Variants in PRKD1 observed in about 807,000 individuals in gnomAD.
PRKD1 encodes protein kinase D1, also known as serine/threonine-protein kinase D1.
Under a neutral mutation model 95.9 loss-of-function variants are expected in PRKD1, and 63 were observed. The observed-to-expected ratio is 0.66, with a 90% CI of 0.54 to 0.81. The LOEUF is 0.81. Ranked by LOEUF, PRKD1 falls within the 30% of genes least tolerant of loss-of-function variation. The pLI is 0.00. For missense variants in PRKD1, 1,048 were observed against 1,165.3 expected (o/e 0.90, Z 1.47); for synonymous variants, 425 against 423.1 (o/e 1.00, Z -0.05).
chr14:29,841,926 T>C (rs989247700), intron 1 of PRKD1, among the ~76,000 whole-genome samples: 5 of 151,996 alleles, frequency 3.3e-5, no homozygotes, highest in African/African-American at 1.2e-4. Flanking sequence ...ATTCTATAAA[T>C]TTTTTTCTAT....
rs1021009136 is a variant in PRKD1 at position 29,665,988 on chromosome 14, T to G, written c.535+89A>C. ...ACTCATTGGTTGATGGGCACTTAGC[T>G]TTTACGTATCTTTGCAATTGTGAAT... On this transcript the variant is annotated intron_variant, in intron 3 of 17. Transcript: ENST00000331968. 41 of 1,398,046 alleles carry G rather than the reference T, an allele frequency of 2.9e-5. No homozygotes were observed. The African/African-American group carries it at 4.3e-4, about 15-fold the overall frequency. 86.6% of individuals were successfully genotyped at this position (1,398,046 alleles called of 1,614,324 possible). A position where few individuals can be genotyped will look rare whatever the true frequency, so the allele number is the denominator to read the frequency against.
chr14:29,636,289 C>T lies in PRKD1; in HGVS notation c.1190+1G>A. 1 of 1,614,222 alleles carries T rather than the reference C, an allele frequency of 6.2e-7. No individual in the cohort carries two copies. ...GCTGAGGCTGGGAGTGCTGCTCTCA[C>T]CTGATGGTTCTGTTGGCGTCCTCGT... On this transcript the variant is annotated splice_donor_variant, in intron 7 of 17. Coordinates refer to ENST00000331968, the MANE Select transcript of PRKD1 (RefSeq NM_002742.3). LOFTEE classifies it high-confidence loss of function.
intron 2 of PRKD1, among the ~76,000 whole-genome samples, chr14:29,707,169 C>T (rs1037996208): frequency 2.0e-5 from 3 of 152,106 alleles, no homozygotes; most frequent in African/African-American, 7.2e-5. Context: ...GAGGATTTAG[C>T]CTTATGCTAT....
At chr14:29,769,402 C>G (rs1888404465) in intron 1 of PRKD1, among the ~76,000 whole-genome samples, 1 of 151,960 alleles carries the variant, frequency 6.6e-6, no homozygotes, top group Non-Finnish European at 1.5e-5. Context: ...GACCCCATCT[C>G]CACAAAAAAT....
chr14:29,778,322 C>A (rs1400831488), intron 1 of PRKD1, among the ~76,000 whole-genome samples: 2 of 151,810 alleles, frequency 1.3e-5, no homozygotes, highest in Admixed American at 1.3e-4. Flanking sequence ...CACAAAAAAC[C>A]CTTCAAAAAA....
chr14:29,872,656 T>TAAA (rs535984977), intron 1 of PRKD1, among the ~76,000 whole-genome samples: 3 of 118,940 alleles, frequency 2.5e-5, no homozygotes, highest in Non-Finnish European at 1.8e-5. Context: ...ACTTTGTCTC[T>TAAA]AAAAAAAAAA....
intron 16 of PRKD1, among the ~76,000 whole-genome samples, chr14:29,596,810 A>T (rs538318657): frequency 6.6e-6 from 1 of 152,282 alleles, no homozygotes; most frequent in African/African-American, 2.4e-5. Context: ...TGAATGAGTC[A>T]CTTTCTCTGC....
At chr14:29,849,598 G>C (rs1451018659) in intron 1 of PRKD1, among the ~76,000 whole-genome samples, 1 of 149,276 alleles carries the variant, frequency 6.7e-6, no homozygotes, top group African/African-American at 2.5e-5. Flanking sequence ...CTACCAATCA[G>C]AAAACGCCCT....
chr14:29,665,848 A>C lies in PRKD1; in HGVS notation c.535+229T>G, dbSNP rs1050055873. Among the ~76,000 whole-genome samples the C allele has an allele frequency of 3.3e-5, 5 of 152,186 alleles. No individual in the cohort carries two copies. The East Asian group carries it at 7.7e-4, about 23-fold the overall frequency. Reference sequence around the variant, plus strand: ...TATATAGATAGATCTATGTATGTATACACACAAAAAAACCTATATTTTCTC... The same window carrying C: ...TATATAGATAGATCTATGTATGTATCCACACAAAAAAACCTATATTTTCTC... On this transcript the variant is annotated intron_variant, in intron 3 of 17. Transcript: ENST00000331968.
At chr14:29,791,386 A>G (rs1255203095) in intron 1 of PRKD1, among the ~76,000 whole-genome samples, 2 of 152,166 alleles carry the variant, frequency 1.3e-5, no homozygotes, top group African/African-American at 2.4e-5. Context: ...TTGTCATATC[A>G]ATGTAACACT....
intron 1 of PRKD1, among the ~76,000 whole-genome samples, chr14:29,811,543 C>T (rs1458871202): frequency 6.6e-6 from 1 of 152,222 alleles, no homozygotes. Flanking sequence ...CAGTGGCACT[C>T]CTAGAAGGGG....
At chr14:29,634,343 G>A in intron 8 of PRKD1, 75 bp downstream of exon 8, 1 of 1,604,546 alleles carries the variant, frequency 6.2e-7, no homozygotes, top group South Asian at 1.1e-5. Context: ...AAATCTCACA[G>A]TCCTCACGGG....
chr14:29,630,919 C>T lies in PRKD1; in HGVS notation c.1495G>A (p.Val499Ile), dbSNP rs770660969. ...ACATTTTCTCCCACATAATACACTA[C>T]ATTTGCCGTAGTGATTTCGAAACAA... ...PHCFEITTAN[V>I]VYYVGENVVN... Residue 499 changes from valine (V) to isoleucine (I), a missense_variant, in exon 10 of 18, where the codon GTA becomes ATA. By Grantham distance (29) the Val-to-Ile change is conservative. Around this residue, in one of 3 missense-constraint regions of PRKD1, gnomAD observed 739 missense variants for 861.9 expected, o/e 0.86. Transcript: ENST00000331968. The T allele has an allele frequency of 1.2e-5, 20 of 1,614,104 alleles. No individual in the cohort carries two copies. Among genetic ancestry groups the T allele is most frequent in the Non-Finnish European group, 1.7e-5 (20 of 1,179,990 alleles).
chr14:29,662,145 AG>A (rs2139207015), intron 4 of PRKD1, among the ~76,000 whole-genome samples: 1 of 152,316 alleles, frequency 6.6e-6, no homozygotes, highest in East Asian at 1.9e-4. Context: ...AAGCTAAATT[AG>A]ATTTATATAG....
intron 1 of PRKD1, among the ~76,000 whole-genome samples, chr14:29,736,810 ATAAAT>A (rs1324985986): frequency 1.3e-5 from 2 of 152,216 alleles, no homozygotes; most frequent in African/African-American, 4.8e-5. Flanking sequence ...ACATTTCACT[ATAAAT>A]TCATGGTTGG....
At chr14:29,897,379 C>T (rs1482599345) in intron 1 of PRKD1, among the ~76,000 whole-genome samples, 1 of 152,100 alleles carries the variant, frequency 6.6e-6, no homozygotes, top group African/African-American at 2.4e-5. Context: ...TATTACCGCA[C>T]AAATAATCAG....
chr14:29,807,757 A>G (rs916536702), intron 1 of PRKD1, among the ~76,000 whole-genome samples: 3 of 149,714 alleles, frequency 2.0e-5, no homozygotes, highest in African/African-American at 7.4e-5. Flanking sequence ...GTCTTGCTCT[A>G]TCTCCCAGGC....
intron 1 of PRKD1, among the ~76,000 whole-genome samples, chr14:29,891,389 G>A (rs1893932558): frequency 6.6e-6 from 1 of 152,102 alleles, no homozygotes; most frequent in African/African-American, 2.4e-5. Context: ...GAAATATTTG[G>A]TTAGATACCT....
In PRKD1 at chr14:29,708,961, T is replaced by C. The variant is rs1166989437; in HGVS notation, c.403+16575A>G. Among the ~76,000 whole-genome samples the C allele has an allele frequency of 6.6e-5, 10 of 152,186 alleles. No individual in the cohort carries two copies. The East Asian group carries it at 1.9e-3, about 29-fold the overall frequency. On this transcript the variant is annotated intron_variant, in intron 2 of 17. Transcript: ENST00000331968. The stretch of plus-strand genomic sequence containing the variant: ...TTTATATTTATTATAAGATATATTT[T>C]GGTGTACTTTATTAACTTTTACTAT...
Sources: allele counts gnomAD v4.1 joint callset (sites outside exome capture counted in the v4.1 genomes callset), GRCh38; gene constraint gnomAD v4.1.1; regional missense constraint gnomAD v4.1.1; transcripts MANE v1.5; gene names NCBI Gene and HGNC (gene_info 2026-07-23, HGNC 2026-07-21).